ANO3: variants seen among roughly 807,000 people sequenced by gnomAD.
ANO3 encodes anoctamin-3.
In ANO3, 99 loss-of-function variants were observed where a neutral mutation model predicts 144.8. That is an observed-to-expected ratio of 0.68 (90% CI 0.58 to 0.81). ANO3 has a LOEUF of 0.81. Ranked by LOEUF, ANO3 falls within the 30% of genes least tolerant of loss-of-function variation. The pLI is 0.00. For synonymous variants in ANO3, 414 were observed against 392.6 expected (o/e 1.05, Z -0.64); for missense variants, 905 against 1,202.2 (o/e 0.75, Z 3.66).
intron 1 of ANO3, among the ~76,000 whole-genome samples, chr11:26,213,267 G>T (rs1475344157): frequency 6.6e-6 from 1 of 152,070 alleles, no homozygotes; most frequent in Non-Finnish European, 1.5e-5. Flanking sequence ...CATAGTATTG[G>T]AAGTTTTGGC....
intron 3 of ANO3, among the ~76,000 whole-genome samples, chr11:26,447,595 G>C: frequency 6.6e-6 from 1 of 152,176 alleles, no homozygotes; most frequent in East Asian, 1.9e-4. Context: ...ACAAGGTGAA[G>C]ATAAAGCTGC....
At chr11:26,630,291 GT>G (rs1238154094) in intron 18 of ANO3, among the ~76,000 whole-genome samples, 1 of 152,186 alleles carries the variant, frequency 6.6e-6, no homozygotes, top group Non-Finnish European at 1.5e-5. Flanking sequence ...TCTTGACAAT[GT>G]TTTAAAGTAT....
At chr11:26,353,085 G>A (rs372843959) in intron 1 of ANO3, among the ~76,000 whole-genome samples, 26 of 152,186 alleles carry the variant, frequency 1.7e-4, no homozygotes, top group African/African-American at 6.0e-4. Flanking sequence ...CATGCCCAAC[G>A]GGGTTTGGAG....
At chr11:26,365,927 A>C (rs1856057539) in intron 1 of ANO3, among the ~76,000 whole-genome samples, 1 of 149,430 alleles carries the variant, frequency 6.7e-6, no homozygotes, top group African/African-American at 2.5e-5. Flanking sequence ...AGCCTGCTTG[A>C]ATTCCTCTCC....
At chr11:26,207,059 A>G (rs1319393319) in intron 1 of ANO3, among the ~76,000 whole-genome samples, 1 of 152,148 alleles carries the variant, frequency 6.6e-6, no homozygotes, top group Non-Finnish European at 1.5e-5. Flanking sequence ...AAAAAATGGG[A>G]AGGGATTAGT....
chr11:26,548,681 A>G (rs1849851407), intron 12 of ANO3, among the ~76,000 whole-genome samples: 1 of 152,026 alleles, frequency 6.6e-6, no homozygotes, highest in Admixed American at 6.6e-5. Flanking sequence ...TTGATTTGAT[A>G]TCTCAAAGTC....
chr11:26,608,741 C>T (rs1852006475), intron 17 of ANO3, among the ~76,000 whole-genome samples: 3 of 152,098 alleles, frequency 2.0e-5, no homozygotes, highest in Admixed American at 2.0e-4. Context: ...CCACAGCAGA[C>T]TGTGTGTTGG....
intron 14 of ANO3, among the ~76,000 whole-genome samples, chr11:26,596,962 G>A (rs1381451076): frequency 1.3e-5 from 2 of 152,170 alleles, no homozygotes; most frequent in Admixed American, 6.5e-5. Context: ...AGAAGGGTTG[G>A]GGGTTGTTAG....
At chr11:26,498,333 A>G (rs1470847662) in intron 4 of ANO3, among the ~76,000 whole-genome samples, 1 of 151,854 alleles carries the variant, frequency 6.6e-6, no homozygotes, top group Non-Finnish European at 1.5e-5. Flanking sequence ...TTCAACTCAC[A>G]TAATTCTTAA....
rs190113054 is a variant in ANO3, at chr11:26,578,142, G to T, written c.1447+18363G>T. On this transcript the variant is annotated intron_variant, in intron 14 of 26. Coordinates refer to ENST00000256737, the MANE Select transcript of ANO3 (RefSeq NM_031418.4). ...TATCTGTGTATATTGTAATTTCCAAGAGTAATTTTGGGAGTATGTTGATAA... is the reference window on the plus strand; with the variant it reads ...TATCTGTGTATATTGTAATTTCCAATAGTAATTTTGGGAGTATGTTGATAA... Among the ~76,000 whole-genome samples, 109 of 152,292 alleles carry T rather than the reference G, an allele frequency of 7.2e-4. 1 individual carries two copies. Among genetic ancestry groups the T allele is most frequent in the Admixed American group, 7.1e-3 (108 of 15,298 alleles).
chr11:26,640,693 C>G (rs1360160588), intron 21 of ANO3, among the ~76,000 whole-genome samples: 1 of 152,044 alleles, frequency 6.6e-6, no homozygotes, highest in African/African-American at 2.4e-5. Context: ...AGGGGTCAGT[C>G]TGGATCACAT....
intron 1 of ANO3, among the ~76,000 whole-genome samples, chr11:26,233,413 G>C (rs1852446585): frequency 6.6e-6 from 1 of 152,086 alleles, no homozygotes; most frequent in South Asian, 2.1e-4. Context: ...TACCACTTAG[G>C]ATGGCTATCT....
intron 1 of ANO3, among the ~76,000 whole-genome samples, chr11:26,369,114 A>G (rs1457836415): frequency 1.3e-5 from 2 of 152,062 alleles, no homozygotes; most frequent in Non-Finnish European, 2.9e-5. Flanking sequence ...AAGCAATAGA[A>G]ATATTTTCCA....
At chr11:26,321,211 A>T (rs1157972512) in intron 1 of ANO3, among the ~76,000 whole-genome samples, 1 of 152,046 alleles carries the variant, frequency 6.6e-6, no homozygotes, top group Non-Finnish European at 1.5e-5. Flanking sequence ...TCCCTCCCCA[A>T]TAAAAGGAAA....
intron 1 of ANO3, among the ~76,000 whole-genome samples, chr11:26,388,843 CACACACGCACAT>C (rs1856802166): frequency 6.6e-6 from 1 of 152,106 alleles, no homozygotes; most frequent in Non-Finnish European, 1.5e-5. Context: ...GCTGTGTATA[CACACACGCACAT>C]ACACACACCC....
intron 1 of ANO3, among the ~76,000 whole-genome samples, chr11:26,257,498 T>G (rs935540759): frequency 2.0e-5 from 3 of 152,164 alleles, no homozygotes; most frequent in Non-Finnish European, 4.4e-5. Context: ...TCTTGAATTA[T>G]AGTTTCTACT....
chr11:26,364,882 T>A (rs556341091), intron 1 of ANO3, among the ~76,000 whole-genome samples: 1 of 152,166 alleles, frequency 6.6e-6, no homozygotes, highest in Non-Finnish European at 1.5e-5. Flanking sequence ...CCCTCTCCCA[T>A]TGCGAAATAC....
At chr11:26,412,830 A>G (rs12222387) in intron 1 of ANO3, among the ~76,000 whole-genome samples, 518 of 28,248 alleles carry the variant, frequency 0.018, 1 homozygote, top group East Asian at 0.077. Context: ...GTGTGTGTGT[A>G]TGTATGCATT....
intron 1 of ANO3, among the ~76,000 whole-genome samples, chr11:26,232,050 T>G (rs758065775): frequency 2.4e-4 from 37 of 152,228 alleles, no homozygotes; most frequent in Non-Finnish European, 4.3e-4. Flanking sequence ...AAACAAGTCT[T>G]TTCTCTCTTT....
Sources: allele counts gnomAD v4.1 joint callset (sites outside exome capture counted in the v4.1 genomes callset), GRCh38; gene constraint gnomAD v4.1.1; transcripts MANE v1.5; gene names NCBI Gene and HGNC (gene_info 2026-07-23, HGNC 2026-07-21).